The following RBFOX1 variants were observed in gnomAD, a reference collection of about 807,000 sequenced individuals.
The protein encoded by RBFOX1 is RNA binding protein fox-1 homolog 1.
RBFOX1 carries 8 observed loss-of-function variants against 57.7 expected under a neutral mutation model. That is an observed-to-expected ratio of 0.14 (90% CI 0.08 to 0.25). The LOEUF is 0.25. Among genes scored for constraint, RBFOX1 ranks in the 10% least tolerant of loss-of-function variants. RBFOX1 has a pLI of 1.00. For missense variants in RBFOX1, 611 were observed against 548.5 expected (o/e 1.11, Z -1.14); for synonymous variants, 326 against 222.4 (o/e 1.47, Z -4.15).
At chr16:6,996,418 T>C (rs1258126267) in intron 3 of RBFOX1, among the ~76,000 whole-genome samples, 2 of 152,170 alleles carry the variant, frequency 1.3e-5, no homozygotes, top group Non-Finnish European at 2.9e-5. Flanking sequence ...GGTATCTGGA[T>C]ACACATCTAG....
intron 1 of RBFOX1, among the ~76,000 whole-genome samples, chr16:6,059,430 A>G (rs1253552342): frequency 1.3e-5 from 2 of 152,216 alleles, no homozygotes; most frequent in African/African-American, 4.8e-5. Context: ...AAACATTTAT[A>G]TAATAATTTA....
At chr16:6,104,193 A>G (rs1422414172) in intron 1 of RBFOX1, among the ~76,000 whole-genome samples, 1 of 152,140 alleles carries the variant, frequency 6.6e-6, no homozygotes, top group African/African-American at 2.4e-5. Context: ...ATAATTGTAT[A>G]TGTTTGTAGG....
At chr16:5,577,362 CG>C (rs568278885) in intron 2 of RBFOX1, among the ~76,000 whole-genome samples, 2 of 151,936 alleles carry the variant, frequency 1.3e-5, no homozygotes, top group African/African-American at 4.8e-5. Flanking sequence ...GACCTGTTGG[CG>C]GGGGGGTCTC....
chr16:6,540,610 TC>T (rs2096801110), intron 2 of RBFOX1, among the ~76,000 whole-genome samples: 3 of 34,214 alleles, frequency 8.8e-5, no homozygotes, highest in African/African-American at 2.5e-4. Context: ...AGACTCTGTC[TC>T]AAAAAAAAAA....
intron 4 of RBFOX1, among the ~76,000 whole-genome samples, chr16:7,299,428 CAAACTAGA>C (rs1008127620): frequency 6.6e-6 from 1 of 152,160 alleles, no homozygotes; most frequent in Non-Finnish European, 1.5e-5. Context: ...AACCCACACC[CAAACTAGA>C]AAGCTAGAGG....
At chr16:6,490,365 A>G (rs1266388607) in intron 2 of RBFOX1, among the ~76,000 whole-genome samples, 1 of 152,146 alleles carries the variant, frequency 6.6e-6, no homozygotes, top group Non-Finnish European at 1.5e-5. Context: ...TGGATGGAAC[A>G]TTTTGTATTT....
intron 5 of RBFOX1, among the ~76,000 whole-genome samples, chr16:7,522,118 A>G (rs916504882): frequency 6.6e-6 from 1 of 152,198 alleles, no homozygotes; most frequent in Admixed American, 6.5e-5. Context: ...ATCCAAATAC[A>G]TGGAATGAAG....
At chr16:7,419,802 T>C (rs1232587903) in intron 4 of RBFOX1, among the ~76,000 whole-genome samples, 2 of 152,198 alleles carry the variant, frequency 1.3e-5, no homozygotes, top group Non-Finnish European at 2.9e-5. Flanking sequence ...ACTGAAGAAA[T>C]AGTTCTGCTT....
rs182608967 is a variant in RBFOX1 at position 6,897,894 on chromosome 16, C to T, written c.-15-154163C>T. On this transcript the variant is annotated intron_variant, in intron 3 of 15. Coordinates refer to ENST00000550418, the MANE Select transcript of RBFOX1 (RefSeq NM_018723.4). Reference sequence around the variant, plus strand: ...CCTTCATACCCTATATCCCCAATTCCCTGGAGCTCTTTCTGTGTCTCAGAC... The same window carrying T: ...CCTTCATACCCTATATCCCCAATTCTCTGGAGCTCTTTCTGTGTCTCAGAC... Among the ~76,000 whole-genome samples, 374 of 152,284 alleles carry T rather than the reference C, an allele frequency of 2.5e-3. 4 individuals are homozygous for T. The highest frequency in any genetic ancestry group is 6.5e-4 in the Non-Finnish European group (44 of 68,028).
At chr16:6,924,974 G>C (rs1490126331) in intron 3 of RBFOX1, among the ~76,000 whole-genome samples, 1 of 151,430 alleles carries the variant, frequency 6.6e-6, no homozygotes, top group Non-Finnish European at 1.5e-5. Flanking sequence ...TGCTGAGAAT[G>C]ATGGTTTCCA....
At chr16:6,884,201 C>G (rs1261950953) in intron 3 of RBFOX1, among the ~76,000 whole-genome samples, 1 of 152,166 alleles carries the variant, frequency 6.6e-6, no homozygotes, top group East Asian at 1.9e-4. Flanking sequence ...TGCTTCCTGG[C>G]TCATGTGCAG....
chr16:7,488,929 G>A (rs1275422973), intron 4 of RBFOX1, among the ~76,000 whole-genome samples: 1 of 152,090 alleles, frequency 6.6e-6, no homozygotes, highest in Non-Finnish European at 1.5e-5. Flanking sequence ...CCATCAGTCT[G>A]TATACTTCAC....
Position 6,966,692 on chromosome 16 carries a change from C to A in RBFOX1, c.-15-85365C>A, listed in dbSNP as rs990790627. ...TAGTGCAAGCTGGGCTGAAGTGAAG[C>A]GAAATTGATCTAAATTACACCTGTG... On this transcript the variant is annotated intron_variant, in intron 3 of 15. Transcript: ENST00000550418. 2.0e-5 allele frequency among the ~76,000 whole-genome samples: 3 copies of A among 152,176 alleles called. No individual in the cohort carries two copies. The South Asian group carries it at 6.2e-4, about 32-fold the overall frequency.
At chr16:5,534,123 C>A (rs932300760) in intron 2 of RBFOX1, among the ~76,000 whole-genome samples, 1 of 152,098 alleles carries the variant, frequency 6.6e-6, no homozygotes, top group Admixed American at 6.6e-5. Context: ...AATTCACAGT[C>A]TGATTCACTG....
At chr16:7,524,505 A>G (rs1474871230) in intron 5 of RBFOX1, among the ~76,000 whole-genome samples, 1 of 152,220 alleles carries the variant, frequency 6.6e-6, no homozygotes, top group Non-Finnish European at 1.5e-5. Context: ...TATTATCATT[A>G]GAGATTTGCA....
chr16:6,647,079 C>T (rs2098540199), intron 2 of RBFOX1, among the ~76,000 whole-genome samples: 3 of 152,046 alleles, frequency 2.0e-5, no homozygotes, highest in Admixed American at 2.0e-4. Context: ...ATCAAGGTGC[C>T]AGCAGTGTCA....
At chr16:5,376,214 C>T (rs1302509373) in intron 1 of RBFOX1, among the ~76,000 whole-genome samples, 1 of 151,794 alleles carries the variant, frequency 6.6e-6, no homozygotes, top group Non-Finnish European at 1.5e-5. Context: ...AAGTTCACAG[C>T]TAGTAAGGGC....
chr16:5,715,969 T>C (rs934348820), intron 3 of RBFOX1, among the ~76,000 whole-genome samples: 1 of 152,202 alleles, frequency 6.6e-6, no homozygotes, highest in Non-Finnish European at 1.5e-5. Flanking sequence ...TTTTAAAGTA[T>C]CTAATAATTC....
At chr16:6,367,714 G>A (rs1417529412) in intron 2 of RBFOX1, among the ~76,000 whole-genome samples, 3 of 148,136 alleles carry the variant, frequency 2.0e-5, no homozygotes, top group Non-Finnish European at 4.4e-5. Flanking sequence ...GTTTTCTATT[G>A]TATCTTTTGG....
Sources: gnomAD v4.1 joint callset for allele counts (sites outside exome capture counted in the v4.1 genomes callset) on GRCh38, gnomAD v4.1.1 for gene constraint, MANE v1.5 for transcripts, NCBI Gene and HGNC (gene_info 2026-07-23, HGNC 2026-07-21) for gene names.